SLC35D4: variants seen among roughly 807,000 people sequenced by gnomAD.
The protein encoded by SLC35D4 is solute carrier family 35 member D4.
At chr18:23,359,861 G>A in the SLC35D4 span, among the ~76,000 whole-genome samples, 4 of 152,128 alleles carry the variant, frequency 2.6e-5, no homozygotes, top group African/African-American at 9.7e-5. Context: ...TTTAACAGGG[G>A]AAATTTCCTC....
At chr18:23,309,518 T>G in the SLC35D4 span, among the ~76,000 whole-genome samples, 1 of 151,952 alleles carries the variant, frequency 6.6e-6, no homozygotes, top group Non-Finnish European at 1.5e-5. Flanking sequence ...AATACAAGTT[T>G]TTTTTTTTTT....
chr18:23,388,845 T>C, the SLC35D4 span, among the ~76,000 whole-genome samples: 1 of 152,166 alleles, frequency 6.6e-6, no homozygotes, highest in African/African-American at 2.4e-5. Flanking sequence ...TGCTCCGCCA[T>C]GGTAAGAGGT....
chr18:23,310,213 C>T, the SLC35D4 span: 2 of 985,394 alleles, frequency 2.0e-6, no homozygotes, highest in South Asian at 9.4e-5. Flanking sequence ...ATCTCTCCGT[C>T]CTCACCTAAT....
the SLC35D4 span, among the ~76,000 whole-genome samples, chr18:23,335,923 T>C: frequency 6.6e-6 from 1 of 152,126 alleles, no homozygotes; most frequent in Non-Finnish European, 1.5e-5. Flanking sequence ...ATCTCCCCAG[T>C]AAATGAACAA....
At chr18:23,391,215 T>A in the SLC35D4 span, among the ~76,000 whole-genome samples, 1 of 137,866 alleles carries the variant, frequency 7.3e-6, no homozygotes. Context: ...AGAGCAAGAC[T>A]CTGAAAGAAA....
the SLC35D4 span, among the ~76,000 whole-genome samples, chr18:23,298,455 C>T: frequency 1.3e-5 from 2 of 152,308 alleles, no homozygotes; most frequent in East Asian, 3.9e-4. Context: ...GGAAATCACA[C>T]AGGTATCCAC....
chr18:23,329,103 C>T, the SLC35D4 span, among the ~76,000 whole-genome samples: 1 of 152,188 alleles, frequency 6.6e-6, no homozygotes, highest in African/African-American at 2.4e-5. Context: ...CATAAAAACC[C>T]TAGAAGAAAA....
At chr18:23,393,963 G>C in the SLC35D4 span, among the ~76,000 whole-genome samples, 12 of 152,110 alleles carry the variant, frequency 7.9e-5, no homozygotes, top group African/African-American at 2.7e-4. Context: ...TCCATCAATG[G>C]GCACTGAGAT....
At chr18:23,299,537 A>G in the SLC35D4 span, among the ~76,000 whole-genome samples, 1 of 152,208 alleles carries the variant, frequency 6.6e-6, no homozygotes, top group Non-Finnish European at 1.5e-5. Flanking sequence ...ACTGACTGAG[A>G]CATGTTCCTT....
At chr18:23,345,697 T>A in the SLC35D4 span, among the ~76,000 whole-genome samples, 6 of 152,034 alleles carry the variant, frequency 3.9e-5, no homozygotes, top group Admixed American at 1.3e-4. Flanking sequence ...AAATAAATTT[T>A]AGACAAATTT....
the SLC35D4 span, chr18:23,437,899 C>T: frequency 1.1e-5 from 17 of 1,574,568 alleles, no homozygotes; most frequent in Non-Finnish European, 1.3e-5. Flanking sequence ...CTGCCCAAAT[C>T]CCCTGGCCGC....
the SLC35D4 span, among the ~76,000 whole-genome samples, chr18:23,340,943 C>T: frequency 6.6e-6 from 1 of 152,218 alleles, no homozygotes; most frequent in Non-Finnish European, 1.5e-5. Context: ...CAAGGCACTA[C>T]TCAATCCAGG....
At chr18:23,301,332 T>C in the SLC35D4 span, among the ~76,000 whole-genome samples, 1 of 152,206 alleles carries the variant, frequency 6.6e-6, no homozygotes, top group Non-Finnish European at 1.5e-5. Context: ...AATGGAGAAC[T>C]CATAAATTTC....
the SLC35D4 span, chr18:23,377,580 T>C: frequency 6.9e-7 from 1 of 1,452,220 alleles, no homozygotes; most frequent in South Asian, 1.4e-5. Flanking sequence ...GAACAGTTTA[T>C]CATTCAAGTT....
At chr18:23,324,125 A>C in the SLC35D4 span, among the ~76,000 whole-genome samples, 1 of 151,714 alleles carries the variant, frequency 6.6e-6, no homozygotes. Flanking sequence ...ATAAATAAAT[A>C]AATAAAAAGA....
the SLC35D4 span, among the ~76,000 whole-genome samples, chr18:23,412,355 G>C: frequency 6.6e-6 from 1 of 152,156 alleles, no homozygotes; most frequent in East Asian, 1.9e-4. Flanking sequence ...GGTTCATGTT[G>C]ACTACTGGAA....
At chr18:23,333,528 T>C in the SLC35D4 span, among the ~76,000 whole-genome samples, 2 of 152,206 alleles carry the variant, frequency 1.3e-5, no homozygotes, top group African/African-American at 4.8e-5. Context: ...GGAAGCAAAG[T>C]GCTCTGAATG....
At chr18:23,342,230 A>G in the SLC35D4 span, among the ~76,000 whole-genome samples, 4 of 152,198 alleles carry the variant, frequency 2.6e-5, no homozygotes, top group Non-Finnish European at 5.9e-5. Context: ...ATTCACAGTC[A>G]ATTTCTTTCT....
the SLC35D4 span, among the ~76,000 whole-genome samples, chr18:23,403,971 A>G: frequency 6.6e-6 from 1 of 152,090 alleles, no homozygotes; most frequent in Non-Finnish European, 1.5e-5. Context: ...TACAAAAATT[A>G]GCTGGGCACG....
Sources: allele counts gnomAD v4.1 joint callset (sites outside exome capture counted in the v4.1 genomes callset), GRCh38; gene constraint gnomAD v4.1.1; transcripts MANE v1.5; gene names NCBI Gene and HGNC (gene_info 2026-07-23, HGNC 2026-07-21).